The following SETD4 variants were observed in gnomAD, a reference collection of about 807,000 sequenced individuals.
SETD4 encodes the protein SET domain containing 4, also known as SET domain-containing protein 4.
Under a neutral mutation model 58.3 loss-of-function variants are expected in SETD4, and 46 were observed. That is an observed-to-expected ratio of 0.79 (90% confidence interval 0.62 to 1.01). The LOEUF is 1.01. Ranked by LOEUF, SETD4 falls within the 50% of genes least tolerant of loss-of-function variation. The pLI is 0.00. For missense variants in SETD4, 490 were observed against 523.3 expected (o/e 0.94, Z 0.62); for synonymous variants, 190 against 202.6 (o/e 0.94, Z 0.53).
At chr21:36,048,508 C>T in intron 4 of SETD4, 112 bp from the exon 5 acceptor site, 2 of 919,814 alleles carry the variant, frequency 2.2e-6, no homozygotes. Context: ...CCCACTGTAA[C>T]TCAACCAAAA....
rs770838076 is a variant in SETD4 at position 36,045,901 on chromosome 21, G to A, written c.407C>T (p.Ala136Val). 2.4e-5 allele frequency: 39 copies of A among 1,614,060 alleles called. No individual in the cohort carries two copies. The highest frequency in any genetic ancestry group is 2.0e-4 in the Admixed American group (12 of 59,998). The change falls in exon 6 of 12, where the codon GCG becomes GTG. Residue 136 changes from alanine (A) to valine (V), a missense_variant. Coordinates refer to ENST00000332131, the MANE Select transcript of SETD4 (RefSeq NM_017438.5). ...WKPYLEILPKAYTCPVCLEPE... is the reference protein window; with the variant it reads ...WKPYLEILPKVYTCPVCLEPE... The stretch of plus-strand genomic sequence containing the variant: ...CTCCAAACAAACAGGGCAGGTATAC[G>A]CCTTGGGTAAAATCTCCAGGTAAGG...
Position 36,045,898 on chromosome 21 carries a change from T to TAC in SETD4, c.408_409dup (p.Tyr137CysfsTer13). 6.2e-7 allele frequency: 1 copy of TAC among 1,614,214 alleles called. No individual in the cohort carries two copies. The highest frequency in any genetic ancestry group is 8.5e-7 in the Non-Finnish European group (1 of 1,180,040). On this transcript the variant is annotated frameshift_variant, in exon 6 of 12. Coordinates refer to ENST00000332131, the MANE Select transcript of SETD4 (RefSeq NM_017438.5). LOFTEE classifies it high-confidence loss of function. ...CGGCTCCAAACAAACAGGGCAGGTA[T>TAC]ACGCCTTGGGTAAAATCTCCAGGTA...
chr21:36,041,727 C>T (rs2064072935), intron 8 of SETD4, 80 bp downstream of exon 8: 2 of 965,580 alleles, frequency 2.1e-6, no homozygotes, highest in South Asian at 1.5e-5. Context: ...GGGGTCTCAC[C>T]CCCATGGAAA....
intron 10 of SETD4, chr21:36,036,768 T>A (rs1455110747): frequency 3.3e-6 from 1 of 299,514 alleles, no homozygotes; most frequent in Admixed American, 6.5e-5. Context: ...AAGGCAAAGA[T>A]ATGGAATCAA....
At chr21:36,041,618 AGT>A (rs746874729) in intron 8 of SETD4, among the ~76,000 whole-genome samples, 187 bp downstream of exon 8, 36 of 152,188 alleles carry the variant, frequency 2.4e-4, no homozygotes, top group Admixed American at 2.0e-4. Context: ...GTTTCTTTCA[AGT>A]GTCTTATACT....
chr21:36,056,462 A>G (rs1037391746), intron 3 of SETD4, among the ~76,000 whole-genome samples: 10 of 152,184 alleles, frequency 6.6e-5, no homozygotes, highest in African/African-American at 1.9e-4. Context: ...TCTCTTGCCC[A>G]CCTGTGGGAA....
intron 7 of SETD4, 31 bp from the exon 8 acceptor site, chr21:36,041,919 G>A (rs1411678003): frequency 8.8e-6 from 11 of 1,249,590 alleles, no homozygotes; most frequent in Non-Finnish European, 1.2e-5. Context: ...CAGACTGTTA[G>A]GGCATAAATT....
At chr21:36,051,441 T>G in intron 4 of SETD4, 2 of 1,419,648 alleles carry the variant, frequency 1.4e-6, no homozygotes, top group Non-Finnish European at 1.8e-6. Context: ...TTTCTATTTT[T>G]AAAACCAACT....
At chr21:36,038,094 C>T (rs1393916294) in intron 10 of SETD4, 56 bp downstream of exon 10, 1 of 1,571,980 alleles carries the variant, frequency 6.4e-7, no homozygotes, top group Non-Finnish European at 8.6e-7. Flanking sequence ...ATGTACAAAA[C>T]AAGGAACTGC....
chr21:36,054,684 C>T (rs566603745), intron 3 of SETD4, among the ~76,000 whole-genome samples: 9 of 141,370 alleles, frequency 6.4e-5, no homozygotes, highest in South Asian at 2.3e-4. Context: ...GCCTCAAGTC[C>T]TCCATCGGTT....
chr21:36,053,288 T>C lies in SETD4; in HGVS notation c.207+295A>G, dbSNP rs1478012015. 7 of 470,988 alleles carry C rather than the reference T, an allele frequency of 1.5e-5. No individual in the cohort carries two copies. In the East Asian group the frequency reaches 2.0e-4, roughly 13 times the overall value. 29.2% of individuals were successfully genotyped at this position (470,988 alleles called of 1,614,324 possible). A position where few individuals can be genotyped will look rare whatever the true frequency, so the allele number is the denominator to read the frequency against. On this transcript the variant is annotated intron_variant, in intron 4 of 11. Coordinates refer to ENST00000332131, the MANE Select transcript of SETD4 (RefSeq NM_017438.5). ...AAGGACATGAGAGAGCTGGAAGGAG[T>C]TGGGGCCTCTGCCAGCCATGGGACT... is the stretch of plus-strand genomic sequence containing the variant.
At chr21:36,040,696 G>C (rs371218423) in intron 8 of SETD4, 41 bp from the exon 9 acceptor site, 7 of 1,543,990 alleles carry the variant, frequency 4.5e-6, no homozygotes, top group Non-Finnish European at 6.3e-6. Flanking sequence ...CATCATTTCA[G>C]TATTTCATGA....
chr21:36,049,541 C>T lies in SETD4; in HGVS notation c.208-1145G>A, dbSNP rs151002026. 3.1e-3 allele frequency among the ~76,000 whole-genome samples: 478 copies of T among 152,130 alleles called. 3 individuals carry two copies. Among genetic ancestry groups the T allele is most frequent in the Non-Finnish European group, 5.5e-3 (374 of 68,016 alleles). On this transcript the variant is annotated intron_variant, in intron 4 of 11. Transcript: ENST00000332131. ...CTGTACTCTAGCCTGGGCGACAGAA[C>T]GTGACTCCGTCTCAAAAAAGAAAAA...
intron 3 of SETD4, among the ~76,000 whole-genome samples, chr21:36,056,553 G>A (rs1412679541): frequency 2.0e-5 from 3 of 152,100 alleles, no homozygotes; most frequent in Non-Finnish European, 2.9e-5. Flanking sequence ...GAAGAAAGTG[G>A]TTTTTGTTTT....
At chr21:36,055,466 T>G (rs941502838) in intron 3 of SETD4, among the ~76,000 whole-genome samples, 2 of 152,092 alleles carry the variant, frequency 1.3e-5, no homozygotes, top group Non-Finnish European at 2.9e-5. Context: ...GTGCTTTTGG[T>G]GGTGAAAGGA....
At chr21:36,059,837 A>G (rs2065199133) in intron 1 of SETD4, 7 of 985,552 alleles carry the variant, frequency 7.1e-6, no homozygotes, top group Non-Finnish European at 7.2e-6. Context: ...GAAAGTCGGC[A>G]TGTCCAGCTC....
At chr21:36,041,584 C>T (rs897616381) in intron 8 of SETD4, among the ~76,000 whole-genome samples, 42 of 152,184 alleles carry the variant, frequency 2.8e-4, no homozygotes, top group Non-Finnish European at 3.7e-4. Flanking sequence ...ATATTTCTAG[C>T]TTGTATCTTA....
At chr21:36,038,933 A>T (rs946727703) in intron 9 of SETD4, among the ~76,000 whole-genome samples, 4 of 152,082 alleles carry the variant, frequency 2.6e-5, no homozygotes, top group Non-Finnish European at 1.5e-5. Flanking sequence ...TAGAAAGAAG[A>T]ACTACCGGGA....
At chr21:36,044,809 C>T (rs1288322538) in intron 6 of SETD4, among the ~76,000 whole-genome samples, 1 of 152,208 alleles carries the variant, frequency 6.6e-6, no homozygotes, top group East Asian at 1.9e-4. Flanking sequence ...ACGGCCAGGA[C>T]ACAGATCCCA....
Sources: gnomAD v4.1 joint callset for allele counts (sites outside exome capture counted in the v4.1 genomes callset) on GRCh38, gnomAD v4.1.1 for gene constraint, MANE v1.5 for transcripts, NCBI Gene and HGNC (gene_info 2026-07-23, HGNC 2026-07-21) for gene names.